Variants in VPS9D1 observed in about 807,000 individuals in gnomAD.
The protein encoded by VPS9D1 is VPS9 domain containing 1, also known as VPS9 domain-containing protein 1.
In VPS9D1, 78 loss-of-function variants were observed where a neutral mutation model predicts 75.8. The ratio of observed to expected loss-of-function variants is 1.03; its 90% CI spans 0.86 to 1.24. The LOEUF is 1.24. VPS9D1 is among the 50% of genes most tolerant of loss of function. VPS9D1 has a pLI of 0.00. For missense variants in VPS9D1, 1,057 were observed against 847.7 expected, an observed-to-expected ratio of 1.25 and a Z score of -3.07; for synonymous variants, 481 against 385.6, an observed-to-expected ratio of 1.25 and a Z score of -2.90.
rs778355602 is a variant in VPS9D1 at position 89,711,371 on chromosome 16, C to G, written c.789G>C (p.Pro263=). 11 of 1,610,826 alleles carry G rather than the reference C, an allele frequency of 6.8e-6. No homozygotes were observed. Among genetic ancestry groups the G allele is most frequent in the South Asian group, 2.2e-5 (2 of 90,294 alleles). ...KHWKAKLKRN[P]GDLSLVTSLV... ...GGCTGGTCACGAGTGACAGGTCCCC[C>G]GGATTCCTCTTGAGCTTGGCCTTCC... Residue 263 remains proline (P), a synonymous_variant, in exon 9 of 15, where the codon CCG becomes CCC. Coordinates refer to ENST00000389386, the MANE Select transcript of VPS9D1 (RefSeq NM_004913.3).
intron 11 of VPS9D1, 83 bp from the exon 12 acceptor site, chr16:89,709,518 C>T (rs1741112509): frequency 1.4e-6 from 2 of 1,403,458 alleles, no homozygotes; most frequent in South Asian, 2.9e-5. Context: ...GAGCTCAGTC[C>T]TGGAGAAAAC....
chr16:89,716,490 G>C lies in VPS9D1; in HGVS notation c.403C>G (p.Gln135Glu), dbSNP rs1477438432. 1 of 1,614,022 alleles carries C rather than the reference G, an allele frequency of 6.2e-7. No homozygotes were observed. The highest frequency in any genetic ancestry group is 8.5e-7 in the Non-Finnish European group (1 of 1,179,998). Residue 135 changes from glutamine (Q) to glutamate (E), a missense_variant, in exon 4 of 15, where the codon CAG becomes GAG. Coordinates refer to ENST00000389386, the MANE Select transcript of VPS9D1 (RefSeq NM_004913.3). ...FLPPEIFQKL[Q>E]GAESQSCKKE... is the part of the protein sequence containing the mutation. ...TTACAGCTTTGTGACTCTGCCCCCT[G>C]AAGCTTCTGGAAGATCTCGGGTGGC...
In VPS9D1 at chr16:89,707,779, T is replaced by C; in HGVS notation, c.*82A>G. The C allele has an allele frequency of 1.5e-6, 2 of 1,328,728 alleles. No individual in the cohort carries two copies. Among genetic ancestry groups the C allele is most frequent in the Non-Finnish European group, 2.1e-6 (2 of 930,772 alleles). 82.3% of individuals were successfully genotyped at this position (1,328,728 alleles called of 1,614,324 possible). On this transcript the variant is annotated 3_prime_UTR_variant, in exon 15 of 15. Coordinates refer to ENST00000389386, the MANE Select transcript of VPS9D1 (RefSeq NM_004913.3). ...CGTGAGGCTCCAGGATGGTCCTCAG[T>C]AGATCCCATGGCTCCAGGTGTAGGA...
At chr16:89,709,624 G>A (rs2060869475) in intron 11 of VPS9D1, among the ~76,000 whole-genome samples, 153 bp downstream of exon 11, 1 of 152,136 alleles carries the variant, frequency 6.6e-6, no homozygotes, top group African/African-American at 2.4e-5. Context: ...AGCCCCTGAG[G>A]ATGGCCTCAG....
chr16:89,719,248 G>C, intron 1 of VPS9D1, 146 bp from the exon 2 acceptor site: 1 of 784,082 alleles, frequency 1.3e-6, no homozygotes, highest in Non-Finnish European at 2.2e-6. Flanking sequence ...AGCCTGCGGT[G>C]GTTAGCTGCA....
At chr16:89,709,205 C>T (rs371498174) in intron 12 of VPS9D1, 22 bp downstream of exon 12, 3 of 1,611,586 alleles carry the variant, frequency 1.9e-6, no homozygotes, top group East Asian at 4.5e-5. Context: ...TGTCCCTCCC[C>T]CTGACTCTCG....
At chr16:89,719,956 T>C (rs1363724157) in intron 1 of VPS9D1, among the ~76,000 whole-genome samples, 1 of 152,194 alleles carries the variant, frequency 6.6e-6, no homozygotes, top group Non-Finnish European at 1.5e-5. Context: ...TCACCTCAGG[T>C]GATCCACCGC....
intron 2 of VPS9D1, among the ~76,000 whole-genome samples, chr16:89,717,081 C>A (rs1421812362): frequency 2.6e-5 from 3 of 115,388 alleles, no homozygotes; most frequent in Non-Finnish European, 5.5e-5. Context: ...CACTGCCCCC[C>A]CATCCCCTCA....
rs1181247961 is a variant in VPS9D1, at chr16:89,708,933, C to T, written c.1621G>A (p.Val541Ile). 1.9e-6 allele frequency: 3 copies of T among 1,605,056 alleles called. No homozygotes were observed. Among genetic ancestry groups the T allele is most frequent in the East Asian group, 2.2e-5 (1 of 44,620 alleles). Residue 541 changes from valine to isoleucine, a missense_variant, in exon 13 of 15, where the codon GTC becomes ATC. Coordinates refer to ENST00000389386, the MANE Select transcript of VPS9D1 (RefSeq NM_004913.3). ...GTGGGGCAGTAGTCTTCCGCACAGA[C>T]ACAGATGATCCGCAGGGTCCGCACT... ...CIVRTLRIIC[V>I]CAEDYCPTPE...
At chr16:89,719,474 A>G (rs1336409397) in intron 1 of VPS9D1, 4 of 411,944 alleles carry the variant, frequency 9.7e-6, no homozygotes, top group Non-Finnish European at 1.9e-5. Context: ...CATTCTATGC[A>G]ATGTTTCCTT....
At chr16:89,708,333 C>T in intron 14 of VPS9D1, 94 bp downstream of exon 14, 1 of 1,259,482 alleles carries the variant, frequency 7.9e-7, no homozygotes, top group Admixed American at 2.1e-5. Context: ...ACACGCTACC[C>T]TCCCCAGCTG....
intron 11 of VPS9D1, 96 bp from the exon 12 acceptor site, chr16:89,709,531 G>A: frequency 7.3e-7 from 1 of 1,377,100 alleles, no homozygotes; most frequent in Non-Finnish European, 9.6e-7. Context: ...GAGAAAACTG[G>A]CTATGTATCT....
At chr16:89,710,001 T>G in intron 10 of VPS9D1, 95 bp from the exon 11 acceptor site, 1 of 1,493,336 alleles carries the variant, frequency 6.7e-7, no homozygotes, top group Non-Finnish European at 8.9e-7. Flanking sequence ...CCAAGAAACC[T>G]CTTTCCACCG....
intron 4 of VPS9D1, among the ~76,000 whole-genome samples, chr16:89,715,720 G>A (rs1251886589): frequency 4.6e-5 from 7 of 151,590 alleles, no homozygotes; most frequent in African/African-American, 1.7e-4. Flanking sequence ...TTGTTGCCCA[G>A]GCTGGAGTGC....
Position 89,707,656 on chromosome 16 carries a change from G to C in VPS9D1, c.*205C>G, listed in dbSNP as rs1430918131. 3 of 563,780 alleles carry C rather than the reference G, an allele frequency of 5.3e-6. No homozygotes were observed. The African/African-American group carries it at 5.7e-5, about 11-fold the overall frequency. The allele number at this position is 563,780 out of a possible 1,614,324, so 34.9% of individuals were successfully genotyped here. On this transcript the variant is annotated 3_prime_UTR_variant, in exon 15 of 15. Transcript: ENST00000389386. ...TTCAGCCCCATTCTGTCGGGGCAGAGGTGCCAACCCCAAGCTCCAGGGTCA... is the reference window on the plus strand; with the variant it reads ...TTCAGCCCCATTCTGTCGGGGCAGACGTGCCAACCCCAAGCTCCAGGGTCA...
rs753337421 is a variant in VPS9D1, at chr16:89,708,841, C to T, written c.1697+16G>A. The T allele has an allele frequency of 1.3e-6, 2 of 1,570,578 alleles. No individual in the cohort carries two copies. The highest frequency in any genetic ancestry group is 4.5e-5 in the East Asian group (2 of 44,218). On this transcript the variant is annotated intron_variant, in intron 13 of 14. Transcript: ENST00000389386. ...GCCCTTCCTCCCTGGCCACACCTCG[C>T]CCTCCTGGGACTCACATGGCAGCTG...
At chr16:89,709,580 G>C in intron 11 of VPS9D1, 145 bp from the exon 12 acceptor site, 1 of 1,266,598 alleles carries the variant, frequency 7.9e-7, no homozygotes. Context: ...CCCCAGGCAC[G>C]GGAGAGTGGC....
Position 89,710,685 on chromosome 16 carries a change from G to A in VPS9D1, c.1159C>T (p.Leu387=), listed in dbSNP as rs1165949699. ...DSSFEDLEQF[L]GTSERQGRGR... ...CGGCCCTGCCGCTCAGACGTCCCCA[G>A]GAACTGCTCCAGGTCCTCGAACGAG... The change falls in exon 10 of 15, where the codon CTG becomes TTG. Residue 387 remains leucine (L), a synonymous_variant. Coordinates refer to ENST00000389386, the MANE Select transcript of VPS9D1 (RefSeq NM_004913.3). The A allele has an allele frequency of 2.5e-6, 4 of 1,611,288 alleles. No homozygotes were observed. The highest frequency in any genetic ancestry group is 1.3e-5 in the African/African-American group (1 of 74,918).
In VPS9D1 at chr16:89,709,439, GGGCAGAGAGA is replaced by G; in HGVS notation, c.1389-14_1389-5del. The stretch of plus-strand genomic sequence containing the variant: ...CTCCCGGGCTCGGTGCACGCTCCTG[GGGCAGAGAGA>G]GGCCAGGCTAAGCTGCCCCAGGGAC... On this transcript the variant is annotated splice_region_variant and splice_polypyrimidine_tract_variant and intron_variant, in intron 11 of 14. Coordinates refer to ENST00000389386, the MANE Select transcript of VPS9D1 (RefSeq NM_004913.3). 12 of 1,505,982 alleles carry G rather than the reference GGGCAGAGAGA, an allele frequency of 8.0e-6. No individual in the cohort carries two copies. The highest frequency in any genetic ancestry group is 1.1e-5 in the Non-Finnish European group (12 of 1,136,274). The allele number at this position is 1,505,982 out of a possible 1,614,324, so 93.3% of individuals were successfully genotyped here.
Sources: allele counts gnomAD v4.1 joint callset (sites outside exome capture counted in the v4.1 genomes callset), GRCh38; gene constraint gnomAD v4.1.1; transcripts MANE v1.5; gene names NCBI Gene and HGNC (gene_info 2026-07-23, HGNC 2026-07-21).